The following LYPD4 variants were observed in gnomAD, a reference collection of about 807,000 sequenced individuals.
LYPD4 encodes the protein ly6/PLAUR domain-containing protein 4.
LYPD4 carries 20 observed loss-of-function variants against 18.2 expected under a neutral mutation model. The observed-to-expected ratio is 1.10, with a 90% CI of 0.77 to 1.59. LYPD4 has a LOEUF of 1.59. Among genes scored for constraint, LYPD4 ranks in the 40% most tolerant of loss-of-function variants. LYPD4 has a pLI of 0.00. For missense variants in LYPD4, 278 were observed against 300.3 expected, an observed-to-expected ratio of 0.93 and a Z score of 0.55; for synonymous variants, 111 against 118.3, an observed-to-expected ratio of 0.94 and a Z score of 0.40.
rs2290695 is a variant in LYPD4 at position 41,838,245 on chromosome 19, G to A, written c.228C>T (p.Val76=). 759,733 of 1,528,060 alleles carry A rather than the reference G, an allele frequency of 0.5. 194,432 individuals carry two copies. Among genetic ancestry groups the A allele is most frequent in the South Asian group, 0.58 (44,687 of 77,446 alleles). The allele number at this position is 1,528,060 out of a possible 1,614,324, so 94.7% of individuals were successfully genotyped here. A position where few individuals can be genotyped will look rare whatever the true frequency, so the allele number is the denominator to read the frequency against. Residue 76 remains valine (V), a synonymous_variant, in exon 4 of 5, where the codon GTC becomes GTT. Coordinates refer to ENST00000609812, the MANE Select transcript of LYPD4 (RefSeq NM_173506.7). Reference sequence around the variant, plus strand: ...ACGAGCTGCAGCCTTTAAAGCCCACGACTCCCCTTGCAGTCCCTGAGGAGC... The same window carrying A: ...ACGAGCTGCAGCCTTTAAAGCCCACAACTCCCCTTGCAGTCCCTGAGGAGC... ...VFIETGTARG[V]VGFKGCSSSS... is the part of the protein sequence containing the mutation.
intron 1 of LYPD4, among the ~76,000 whole-genome samples, chr19:41,841,244 C>A (rs1279197457): frequency 6.6e-6 from 1 of 151,866 alleles, no homozygotes; most frequent in Admixed American, 6.6e-5. Flanking sequence ...CCAGCCTGGG[C>A]AACACAGTGG....
chr19:41,839,330 A>C lies in LYPD4; in HGVS notation c.-45T>G. On this transcript the variant is annotated 5_prime_UTR_variant, in exon 2 of 5. Transcript: ENST00000609812. The stretch of plus-strand genomic sequence containing the variant: ...GGGTGCTAGAGGTCAGTCTGGAATC[A>C]GTTTCAGTCTGGATCCCAAGCTCAG... 6.3e-7 allele frequency: 1 copy of C among 1,575,150 alleles called. No individual in the cohort carries two copies.
chr19:41,839,154 C>T, intron 2 of LYPD4, 65 bp downstream of exon 2: 1 of 1,613,556 alleles, frequency 6.2e-7, no homozygotes, highest in Non-Finnish European at 8.5e-7. Context: ...CCTCGTTCCA[C>T]CAGTGACATG....
chr19:41,838,862 C>G lies in LYPD4; in HGVS notation c.211+19G>C. The G allele has an allele frequency of 1.2e-6, 2 of 1,611,562 alleles. No homozygotes were observed. The highest frequency in any genetic ancestry group is 1.7e-6 in the Non-Finnish European group (2 of 1,179,032). Reference sequence around the variant, plus strand: ...GAAGAGCAAGCAAAACGAAATTGATCAAACTTAGACTGCTTCACCTGTCTC... The same window carrying G: ...GAAGAGCAAGCAAAACGAAATTGATGAAACTTAGACTGCTTCACCTGTCTC... On this transcript the variant is annotated intron_variant, in intron 3 of 4. Coordinates refer to ENST00000609812, the MANE Select transcript of LYPD4 (RefSeq NM_173506.7).
intron 3 of LYPD4, 136 bp downstream of exon 3, chr19:41,838,745 A>AT: frequency 6.5e-6 from 3 of 463,406 alleles, no homozygotes; most frequent in Non-Finnish European, 9.1e-6. Context: ...AAAAATTAAA[A>AT]AAAATATATA....
rs35476281 is a variant in LYPD4 at position 41,837,333 on chromosome 19, G to C, written c.551C>G (p.Thr184Ser). 57,681 of 1,613,826 alleles carry C rather than the reference G, an allele frequency of 0.036. 1,364 individuals carry two copies. The highest frequency in any genetic ancestry group is 0.1 in the Admixed American group (6,258 of 60,012). Reference protein sequence around the residue: ...TLKFQAGFLNTTFLLMGCARE... With the variant: ...TLKFQAGFLNSTFLLMGCARE... ...AGCACACCCCATGAGGAGGAAGGTGGTATTGAGAAACCCTGTAAGGAAGAG... is the reference window on the plus strand; with the variant it reads ...AGCACACCCCATGAGGAGGAAGGTGCTATTGAGAAACCCTGTAAGGAAGAG... The change falls in exon 5 of 5, where the codon ACC becomes AGC. Residue 184 changes from threonine to serine, a missense_variant. Transcript: ENST00000609812.
rs1555830611 is a variant in LYPD4, at chr19:41,837,156, G to A, written c.728C>T (p.Ala243Val). Residue 243 changes from alanine (A) to valine (V), a missense_variant, in exon 5 of 5, where the codon GCC becomes GTC. Transcript: ENST00000609812. ...AWGVVLGLLF[A>V]FRD is the part of the protein sequence containing the mutation. ...GCAGCTAGATGGTCAGTCCCTGAAG[G>A]CAAACAGGAGGCCTAAGACGACACC... is the stretch of plus-strand genomic sequence containing the variant. The A allele has an allele frequency of 1.2e-6, 2 of 1,613,912 alleles. No homozygotes were observed. Among genetic ancestry groups the A allele is most frequent in the Admixed American group, 1.7e-5 (1 of 60,006 alleles).
chr19:41,842,415 G>A (rs1255033368), intron 1 of LYPD4, among the ~76,000 whole-genome samples: 1 of 152,120 alleles, frequency 6.6e-6, no homozygotes, highest in Admixed American at 6.6e-5. Context: ...TGCTGGGGAT[G>A]TACGCTATGG....
At chr19:41,843,319 C>A (rs189742678) in intron 1 of LYPD4, among the ~76,000 whole-genome samples, 1 of 151,954 alleles carries the variant, frequency 6.6e-6, no homozygotes, top group Non-Finnish European at 1.5e-5. Context: ...GAGCCTACTA[C>A]CTTCTTTATA....
chr19:41,840,068 T>G (rs1030734619), intron 1 of LYPD4, among the ~76,000 whole-genome samples: 22 of 150,950 alleles, frequency 1.5e-4, no homozygotes, highest in Admixed American at 1.2e-3. Flanking sequence ...AAAAAAGTAT[T>G]TAGAACTGAA....
chr19:41,839,558 C>A, intron 1 of LYPD4, 153 bp from the exon 2 acceptor site: 1 of 494,352 alleles, frequency 2.0e-6, no homozygotes, highest in Non-Finnish European at 3.6e-6. Context: ...CACTCTCCCA[C>A]TTAGGTCCTC....
chr19:41,836,287 CAAAAAAAAAAAAAAAAAAAAAAAAA>C (rs531204341), downstream of LYPD4, among the ~76,000 whole-genome samples: 93 of 19,944 alleles, frequency 4.7e-3, no homozygotes, highest in African/African-American at 0.018. Context: ...GCCAACTTAC[CAAAAAAAAAAAAAAAAAAAAAAAAA>C]AAAAAAAAAA....
At chr19:41,838,760 T>TAC in intron 3 of LYPD4, 121 bp downstream of exon 3, 1 of 394,220 alleles carries the variant, frequency 2.5e-6, no homozygotes, top group South Asian at 6.3e-5. Context: ...TATATATACA[T>TAC]ATATATATAT....
chr19:41,837,475 C>CT lies in LYPD4; in HGVS notation c.539-131dup, dbSNP rs574551463. On this transcript the variant is annotated intron_variant, in intron 4 of 4. Transcript: ENST00000609812. ...CCGAGGCAGGTGGATCACTTGAGGA[C>CT]TTAAGGCCAGGAGTTTGAGACTAGC... The CT allele has an allele frequency of 2.3e-4, 220 of 959,880 alleles. 1 individual carries two copies. In the East Asian group the frequency reaches 5.4e-3, roughly 24 times the overall value. 59.5% of individuals were successfully genotyped at this position (959,880 alleles called of 1,614,324 possible).
Position 41,838,081 on chromosome 19 carries a change from G to C in LYPD4, c.392C>G (p.Thr131Ser), listed in dbSNP as rs1555831226. The C allele has an allele frequency of 1.2e-6, 2 of 1,614,176 alleles. No individual in the cohort carries two copies. The highest frequency in any genetic ancestry group is 2.2e-5 in the South Asian group (2 of 91,082). Residue 131 changes from threonine to serine, a missense_variant, in exon 4 of 5, where the codon ACT (threonine) becomes AGT (serine). Thr to Ser is a moderately conservative substitution (Grantham distance 58, BLOSUM62 1). Transcript: ENST00000609812. The stretch of plus-strand genomic sequence containing the variant: ...GGACGCAGATGTGATAGACTTAGGA[G>C]TGCTGGCCTTGAGTTTCACAAAAGG... ...LEPFVKLKAS[T>S]PKSITSASCS...
chr19:41,841,715 C>T (rs1568766050), intron 1 of LYPD4, among the ~76,000 whole-genome samples: 1 of 145,886 alleles, frequency 6.9e-6, no homozygotes, highest in Non-Finnish European at 1.5e-5. Context: ...CCAGCAATAA[C>T]CAAGGAAATG....
chr19:41,844,550 G>A lies in LYPD4; in HGVS notation c.-1093C>T, dbSNP rs2073774168. The stretch of plus-strand genomic sequence containing the variant: ...CGCATAAAAGAAGGGTAGCTCAGGA[G>A]TTGTGGGGCACCGGAAGAGACATAA... On this transcript the variant is annotated 5_prime_UTR_variant, in exon 1 of 5. Coordinates refer to ENST00000609812, the MANE Select transcript of LYPD4 (RefSeq NM_173506.7). 1.3e-5 allele frequency: 2 copies of A among 152,310 alleles called. No individual in the cohort carries two copies. The highest frequency in any genetic ancestry group is 1.3e-4 in the Admixed American group (2 of 15,284). The allele number at this position is 152,310 out of a possible 1,614,324, so 9.4% of individuals were successfully genotyped here.
In LYPD4 at chr19:41,838,992, C is replaced by T. The variant is rs1555832367; in HGVS notation, c.100G>A (p.Ala34Thr). 9 of 1,613,792 alleles carry T rather than the reference C, an allele frequency of 5.6e-6. No individual in the cohort carries two copies. The highest frequency in any genetic ancestry group is 6.8e-6 in the Non-Finnish European group (8 of 1,180,026). ...AAAGCAACAGCTCTGAATCTTGAGG[C>T]TGTTGCTTCATAGCACAAAAGAGCT... ...AGALLCYEAT[A>T]SRFRAVAFHN... The change falls in exon 3 of 5, where the codon GCC (alanine) becomes ACC (threonine). Residue 34 changes from alanine to threonine, a missense_variant. By Grantham distance (58) the Ala-to-Thr change is moderately conservative. Transcript: ENST00000609812.
chr19:41,842,122 A>G (rs1295454937), intron 1 of LYPD4, among the ~76,000 whole-genome samples: 1 of 151,906 alleles, frequency 6.6e-6, no homozygotes, highest in Non-Finnish European at 1.5e-5. Flanking sequence ...TGCTCACTGC[A>G]GCCCCCACCT....
Sources: allele counts gnomAD v4.1 joint callset (sites outside exome capture counted in the v4.1 genomes callset), GRCh38; gene constraint gnomAD v4.1.1; transcripts MANE v1.5; gene names NCBI Gene and HGNC (gene_info 2026-07-23, HGNC 2026-07-21).